Variants in HHAT observed in about 807,000 individuals in gnomAD.
HHAT encodes the protein protein-cysteine N-palmitoyltransferase HHAT.
In HHAT, 47 loss-of-function variants were observed where a neutral mutation model predicts 70.8. The ratio of observed to expected loss-of-function variants is 0.66; its 90% CI spans 0.53 to 0.85. HHAT has a LOEUF of 0.85. Among genes scored for constraint, HHAT ranks in the 40% least tolerant of loss-of-function variants. The probability of loss-of-function intolerance (pLI) is 0.00; values close to 1 mark genes in which losing one functional copy is unlikely to be tolerated. For synonymous variants in HHAT, 228 were observed against 247.6 expected, an observed-to-expected ratio of 0.92 and a Z score of 0.74; for missense variants, 609 against 604.8, an observed-to-expected ratio of 1.01 and a Z score of -0.07.
chr1:210,532,416 TC>T (rs2095324584), intron 9 of HHAT, among the ~76,000 whole-genome samples: 1 of 152,236 alleles, frequency 6.6e-6, no homozygotes, highest in African/African-American at 2.4e-5. Flanking sequence ...GGCCCAAGAT[TC>T]CAGTCCTGGC....
chr1:210,603,844 G>C (rs1664795130), intron 10 of HHAT, among the ~76,000 whole-genome samples: 1 of 152,104 alleles, frequency 6.6e-6, no homozygotes, highest in Non-Finnish European at 1.5e-5. Flanking sequence ...GGCCTTGTTA[G>C]AGATAAGCTG....
intron 9 of HHAT, among the ~76,000 whole-genome samples, chr1:210,514,038 G>T (rs747996712): frequency 1.4e-4 from 21 of 152,198 alleles, no homozygotes; most frequent in Non-Finnish European, 2.5e-4. Context: ...TTGGGTAAGT[G>T]TTATGGTGGT....
At chr1:210,580,325 G>C (rs1310089856) in intron 9 of HHAT, among the ~76,000 whole-genome samples, 1 of 151,586 alleles carries the variant, frequency 6.6e-6, no homozygotes, top group South Asian at 2.1e-4. Flanking sequence ...AATATTAAAA[G>C]CAAATTATAT....
intron 3 of HHAT, among the ~76,000 whole-genome samples, chr1:210,385,930 A>C (rs2091010550): frequency 6.6e-6 from 1 of 152,226 alleles, no homozygotes; most frequent in Non-Finnish European, 1.5e-5. Context: ...ATCATGTTCA[A>C]GGTCATCACA....
rs550899422 is a variant in HHAT at position 210,544,492 on chromosome 1, C to G, written c.1043+31304C>G. ...GGTTCAAGGAATTCTCCTGCTTCAG[C>G]CTCCCGAGTAGCTGGGATTACAGGC... On this transcript the variant is annotated intron_variant, in intron 9 of 11. Transcript: ENST00000261458. 6.6e-5 allele frequency among the ~76,000 whole-genome samples: 10 copies of G among 151,684 alleles called. No individual in the cohort carries two copies. The East Asian group carries it at 2.0e-3, about 30-fold the overall frequency.
intron 3 of HHAT, among the ~76,000 whole-genome samples, chr1:210,375,194 C>T (rs1375051970): frequency 6.6e-6 from 1 of 152,208 alleles, no homozygotes; most frequent in Non-Finnish European, 1.5e-5. Flanking sequence ...TGAAGAGCTA[C>T]TCTGTGCTGC....
chr1:210,625,422 G>A (rs1161025150), intron 11 of HHAT, among the ~76,000 whole-genome samples: 1 of 152,102 alleles, frequency 6.6e-6, no homozygotes, highest in Non-Finnish European at 1.5e-5. Context: ...TGCTACTTGC[G>A]AGGCACTGAG....
intron 11 of HHAT, among the ~76,000 whole-genome samples, chr1:210,643,121 T>G (rs1002657332): frequency 6.6e-6 from 1 of 152,342 alleles, no homozygotes; most frequent in East Asian, 1.9e-4. Flanking sequence ...CCCACAGATG[T>G]GTACTACAGC....
intron 7 of HHAT, among the ~76,000 whole-genome samples, chr1:210,421,376 T>C (rs981045841): frequency 4.6e-5 from 7 of 152,204 alleles, no homozygotes; most frequent in African/African-American, 1.2e-4. Context: ...TATCTCATAG[T>C]TTTAATTTGC....
intron 7 of HHAT, among the ~76,000 whole-genome samples, chr1:210,420,517 A>G: frequency 6.6e-6 from 1 of 152,208 alleles, no homozygotes; most frequent in East Asian, 1.9e-4. Context: ...TCTTTGGCAC[A>G]TTACCCACAG....
intron 8 of HHAT, among the ~76,000 whole-genome samples, chr1:210,485,378 G>A (rs1173624187): frequency 3.9e-5 from 6 of 152,146 alleles, no homozygotes; most frequent in Admixed American, 6.5e-5. Flanking sequence ...CCTGGTCAAA[G>A]CTATAGCCTT....
At chr1:210,664,448 T>A (rs918638208) in intron 11 of HHAT, among the ~76,000 whole-genome samples, 2 of 152,116 alleles carry the variant, frequency 1.3e-5, no homozygotes, top group African/African-American at 4.8e-5. Context: ...ATTAATGAGA[T>A]AATGGTTGTG....
chr1:210,413,942 C>G (rs1310791543), intron 6 of HHAT, among the ~76,000 whole-genome samples: 1 of 152,216 alleles, frequency 6.6e-6, no homozygotes, highest in African/African-American at 2.4e-5. Flanking sequence ...CCCTTCCACA[C>G]TACTTGCATA....
chr1:210,333,467 T>C (rs56143956), intron 1 of HHAT, among the ~76,000 whole-genome samples: 3,985 of 152,100 alleles, frequency 0.026, 172 homozygotes, highest in African/African-American at 0.091. Flanking sequence ...AAGCTCCAAA[T>C]GTATGAGTAT....
intron 11 of HHAT, among the ~76,000 whole-genome samples, chr1:210,653,130 T>TATACATACATAC (rs113600697): frequency 3.7e-4 from 56 of 151,172 alleles, no homozygotes; most frequent in African/African-American, 8.6e-4. Flanking sequence ...AAAACAGCTT[T>TATACATACATAC]ATACATACAT....
intron 11 of HHAT, among the ~76,000 whole-genome samples, chr1:210,654,175 A>G: frequency 6.6e-6 from 1 of 150,976 alleles, no homozygotes. Flanking sequence ...TGACAGCAGA[A>G]TAGTGTGATG....
intron 6 of HHAT, among the ~76,000 whole-genome samples, chr1:210,408,795 C>T (rs573417654): frequency 3.5e-4 from 54 of 152,268 alleles, no homozygotes; most frequent in African/African-American, 1.3e-3. Flanking sequence ...TTCTAGAGAG[C>T]ACCTGGAATC....
At chr1:210,544,853 A>C (rs1340449051) in intron 9 of HHAT, among the ~76,000 whole-genome samples, 1 of 152,142 alleles carries the variant, frequency 6.6e-6, no homozygotes, top group Non-Finnish European at 1.5e-5. Context: ...CTTCCATTAC[A>C]TGCACCAGAT....
At chr1:210,537,889 T>C (rs542417418) in intron 9 of HHAT, among the ~76,000 whole-genome samples, 1 of 152,334 alleles carries the variant, frequency 6.6e-6, no homozygotes, top group African/African-American at 2.4e-5. Context: ...CTCGAGTCAT[T>C]TGAAGTTCTC....
Sources: gnomAD v4.1 joint callset for allele counts (sites outside exome capture counted in the v4.1 genomes callset) on GRCh38, gnomAD v4.1.1 for gene constraint, MANE v1.5 for transcripts, NCBI Gene and HGNC (gene_info 2026-07-23, HGNC 2026-07-21) for gene names.